The following MFAP5 variants were observed in gnomAD, a reference collection of about 807,000 sequenced individuals.
The protein encoded by MFAP5 is microfibrillar-associated protein 5.
A neutral mutation model predicts 30.1 loss-of-function variants in MFAP5; 19 were observed. The ratio of observed to expected loss-of-function variants is 0.63; its 90% CI spans 0.44 to 0.93. MFAP5 has a LOEUF of 0.93. Among genes scored for constraint, MFAP5 ranks in the 40% least tolerant of loss-of-function variants. The pLI is 0.00. For missense variants in MFAP5, 210 were observed against 221.3 expected, an observed-to-expected ratio of 0.95 and a Z score of 0.32; for synonymous variants, 92 against 72.9, an observed-to-expected ratio of 1.26 and a Z score of -1.33.
intron 6 of MFAP5, among the ~76,000 whole-genome samples, chr12:8,653,117 G>A (rs1210053407): frequency 3.3e-5 from 5 of 151,758 alleles, no homozygotes; most frequent in South Asian, 2.1e-4. Context: ...GCTTGAACCC[G>A]GGAGGCGGAG....
chr12:8,656,591 T>TATATAC (rs1456030332), intron 3 of MFAP5, among the ~76,000 whole-genome samples: 2 of 130,878 alleles, frequency 1.5e-5, no homozygotes, highest in South Asian at 2.3e-4. Context: ...TATATATATA[T>TATATAC]ACACACACAC....
chr12:8,659,177 G>A (rs1288532567), intron 3 of MFAP5, among the ~76,000 whole-genome samples: 2 of 151,794 alleles, frequency 1.3e-5, no homozygotes, highest in Admixed American at 6.6e-5. Flanking sequence ...TTGTGGTGGC[G>A]CATGCCTATA....
Position 8,648,171 on chromosome 12 carries a change from G to C in MFAP5, c.442C>G (p.Pro148Ala). The C allele has an allele frequency of 6.2e-7, 1 of 1,613,796 alleles. No homozygotes were observed. The highest frequency in any genetic ancestry group is 8.5e-7 in the Non-Finnish European group (1 of 1,179,778). Residue 148 changes from proline (P) to alanine (A), a missense_variant, in exon 10 of 10, where the codon CCT becomes GCT. Coordinates refer to ENST00000359478, the MANE Select transcript of MFAP5 (RefSeq NM_003480.4). ...ELCRQMAGLPPRRLRRSNYFR... is the reference protein window; with the variant it reads ...ELCRQMAGLPARRLRRSNYFR... Reference sequence around the variant, plus strand: ...TAATTGGAGCGACGGAGTCTCCTAGGGGGCAGACCAGCCATCTGACGGCAA... The same window carrying C: ...TAATTGGAGCGACGGAGTCTCCTAGCGGGCAGACCAGCCATCTGACGGCAA...
At chr12:8,655,909 G>A (rs1332478315) in intron 3 of MFAP5, 79 bp from the exon 4 acceptor site, 2 of 1,268,694 alleles carry the variant, frequency 1.6e-6, no homozygotes, top group South Asian at 1.2e-5. Context: ...GTTAAATTGC[G>A]AAGCATAGTG....
At chr12:8,656,651 T>C (rs6487315) in intron 3 of MFAP5, among the ~76,000 whole-genome samples, 29,785 of 100,124 alleles carry the variant, frequency 0.3, 3,820 homozygotes, top group South Asian at 0.35. Flanking sequence ...CACACACACA[T>C]ATATATATAT....
intron 7 of MFAP5, 31 bp downstream of exon 7, chr12:8,651,631 G>A: frequency 6.2e-7 from 1 of 1,610,998 alleles, no homozygotes; most frequent in African/African-American, 1.3e-5. Flanking sequence ...AGAAAAAAAG[G>A]CTTAAGAAGG....
At chr12:8,662,268 A>T in intron 1 of MFAP5, 162 bp from the exon 2 acceptor site, 2 of 590,202 alleles carry the variant, frequency 3.4e-6, no homozygotes, top group Non-Finnish European at 6.0e-6. Flanking sequence ...CTTACCTTTC[A>T]CCCAACATTC....
chr12:8,656,910 T>A, intron 3 of MFAP5, among the ~76,000 whole-genome samples: 1 of 152,078 alleles, frequency 6.6e-6, no homozygotes, highest in Non-Finnish European at 1.5e-5. Flanking sequence ...TCAGGTGATC[T>A]GCCCGCCTAG....
intron 3 of MFAP5, among the ~76,000 whole-genome samples, chr12:8,656,573 AATAT>A (rs71957081): frequency 1.3e-4 from 17 of 128,508 alleles, no homozygotes; most frequent in Non-Finnish European, 1.9e-4. Context: ...ATGCCTGGCT[AATAT>A]ATATATATAT....
chr12:8,656,660 A>C (rs1477041043), intron 3 of MFAP5, among the ~76,000 whole-genome samples: 1 of 135,508 alleles, frequency 7.4e-6, no homozygotes, highest in Non-Finnish European at 1.6e-5. Flanking sequence ...ATATATATAT[A>C]TATATATATT....
intron 6 of MFAP5, among the ~76,000 whole-genome samples, chr12:8,652,299 G>A (rs369074011): frequency 6.6e-6 from 1 of 151,984 alleles, no homozygotes; most frequent in Non-Finnish European, 1.5e-5. Context: ...ACAAAACTTA[G>A]TTGGGTGTAG....
chr12:8,650,656 G>A, intron 7 of MFAP5, 67 bp from the exon 8 acceptor site: 1 of 1,354,690 alleles, frequency 7.4e-7, no homozygotes, highest in African/African-American at 1.4e-5. Flanking sequence ...AGGATTGAAG[G>A]AATTGGGAAG....
intron 3 of MFAP5, among the ~76,000 whole-genome samples, chr12:8,656,658 A>C (rs1942005727): frequency 7.4e-6 from 1 of 134,296 alleles, no homozygotes; most frequent in Non-Finnish European, 1.6e-5. Flanking sequence ...ACATATATAT[A>C]TATATATATA....
chr12:8,657,538 G>A (rs1002915666), intron 3 of MFAP5, among the ~76,000 whole-genome samples: 1 of 150,940 alleles, frequency 6.6e-6, no homozygotes, highest in Non-Finnish European at 1.5e-5. Flanking sequence ...CCCACTAGGG[G>A]TCAGCAAATT....
At chr12:8,656,573 A>AATATATATATATATATATATAT (rs71957081) in intron 3 of MFAP5, among the ~76,000 whole-genome samples, 9 of 128,524 alleles carry the variant, frequency 7.0e-5, no homozygotes, top group African/African-American at 2.6e-4. Flanking sequence ...ATGCCTGGCT[A>AATATATATATATATATATATAT]ATATATATAT....
chr12:8,651,864 C>A (rs770107344), intron 6 of MFAP5, 173 bp from the exon 7 acceptor site: 12 of 611,660 alleles, frequency 2.0e-5, no homozygotes, highest in Non-Finnish European at 3.5e-5. Flanking sequence ...ATTTGCTCCA[C>A]AAAATTGAAG....
rs1421461762 is a variant in MFAP5 at position 8,647,379 on chromosome 12, A to G, written c.*712T>C. On this transcript the variant is annotated 3_prime_UTR_variant, in exon 10 of 10. Transcript: ENST00000359478. ...CCTTACTTCCCGACTAGACAACTGC[A>G]TGAAAAATTGGATAGCGAATTATGA... 6.6e-6 allele frequency: 1 copy of G among 152,244 alleles called. No homozygotes were observed. The highest frequency in any genetic ancestry group is 1.5e-5 in the Non-Finnish European group (1 of 68,046). The allele number at this position is 152,244 out of a possible 1,614,324, so 9.4% of individuals were successfully genotyped here. A position where few individuals can be genotyped will look rare whatever the true frequency, so the allele number is the denominator to read the frequency against.
At chr12:8,650,773 A>T (rs933963562) in intron 7 of MFAP5, among the ~76,000 whole-genome samples, 184 bp from the exon 8 acceptor site, 4 of 152,218 alleles carry the variant, frequency 2.6e-5, no homozygotes, top group African/African-American at 9.6e-5. Context: ...GGAATTGACT[A>T]AATGAAGTTT....
At chr12:8,656,666 A>ATTTTT (rs1465516929) in intron 3 of MFAP5, among the ~76,000 whole-genome samples, 21 of 121,274 alleles carry the variant, frequency 1.7e-4, no homozygotes, top group South Asian at 4.8e-4. Flanking sequence ...ATATATATAT[A>ATTTTT]TATTTTTTTT....
Sources: allele counts gnomAD v4.1 joint callset (sites outside exome capture counted in the v4.1 genomes callset), GRCh38; gene constraint gnomAD v4.1.1; transcripts MANE v1.5; gene names NCBI Gene and HGNC (gene_info 2026-07-23, HGNC 2026-07-21).